FAM13A: variants seen among roughly 807,000 people sequenced by gnomAD.
FAM13A encodes family with sequence similarity 13 member A, also known as protein FAM13A.
A neutral mutation model predicts 129.6 loss-of-function variants in FAM13A; 76 were observed. That is an observed-to-expected ratio of 0.59 (90% CI 0.49 to 0.71). The LOEUF is 0.71. Among genes scored for constraint, FAM13A ranks in the 30% least tolerant of loss-of-function variants. FAM13A has a pLI of 0.00. For synonymous variants in FAM13A, 443 were observed against 449.9 expected (o/e 0.98, Z 0.20); for missense variants, 1,108 against 1,249.3 (o/e 0.89, Z 1.70).
intron 7 of FAM13A, among the ~76,000 whole-genome samples, chr4:88,846,025 A>G (rs1202210471): frequency 6.6e-6 from 1 of 152,186 alleles, no homozygotes; most frequent in Non-Finnish European, 1.5e-5. Context: ...AATACTTGGC[A>G]TAGTGGTAGC....
intron 1 of FAM13A, 62 bp downstream of exon 1, chr4:89,056,876 G>C: frequency 6.7e-7 from 1 of 1,495,372 alleles, no homozygotes; most frequent in Non-Finnish European, 9.2e-7. Context: ...AAACAAGGAA[G>C]GCAAGGCCCT....
intron 19 of FAM13A, 64 bp from the exon 20 acceptor site, chr4:88,739,189 C>T: frequency 9.3e-7 from 1 of 1,075,042 alleles, no homozygotes; most frequent in Non-Finnish European, 1.5e-6. Flanking sequence ...GCTGTCTAAG[C>T]ATGCTCTGGG....
intron 3 of FAM13A, among the ~76,000 whole-genome samples, chr4:89,011,382 C>T (rs1222792987): frequency 6.6e-6 from 1 of 152,074 alleles, no homozygotes; most frequent in Non-Finnish European, 1.5e-5. Context: ...ATATTTACAA[C>T]AATTTAAAAA....
intron 7 of FAM13A, chr4:88,823,189 T>C: frequency 6.9e-7 from 1 of 1,455,478 alleles, no homozygotes. Flanking sequence ...GCCTCCAAAC[T>C]TCTTCAGGCA....
At chr4:88,968,735 G>C (rs548181883) in intron 4 of FAM13A, among the ~76,000 whole-genome samples, 2 of 151,916 alleles carry the variant, frequency 1.3e-5, no homozygotes, top group South Asian at 2.1e-4. Context: ...CAGCAAAATA[G>C]GTATTTAAAC....
chr4:88,924,492 G>A (rs1174342406), intron 5 of FAM13A, among the ~76,000 whole-genome samples: 1 of 152,164 alleles, frequency 6.6e-6, no homozygotes, highest in Non-Finnish European at 1.5e-5. Flanking sequence ...GGGAAAACTG[G>A]CTAGCCATAT....
chr4:88,732,914 A>G (rs1738161087), intron 21 of FAM13A, among the ~76,000 whole-genome samples: 1 of 152,050 alleles, frequency 6.6e-6, no homozygotes, highest in South Asian at 2.1e-4. Flanking sequence ...ATAAAGCCAA[A>G]TCAGCATTTC....
intron 1 of FAM13A, among the ~76,000 whole-genome samples, chr4:89,055,687 G>A (rs1015741473): frequency 6.6e-6 from 1 of 152,076 alleles, no homozygotes; most frequent in African/African-American, 2.4e-5. Flanking sequence ...TAAAGTAAAA[G>A]TCAGTATTTT....
chr4:88,959,506 G>C (rs936217984), intron 4 of FAM13A, among the ~76,000 whole-genome samples: 3 of 152,206 alleles, frequency 2.0e-5, no homozygotes, highest in African/African-American at 7.2e-5. Flanking sequence ...TCCTGCCTTT[G>C]CAATGTGATG....
rs1031877237 is a variant in FAM13A at position 89,032,911 on chromosome 4, A to G, written c.28-3262T>C. 2.0e-5 allele frequency among the ~76,000 whole-genome samples: 3 copies of G among 152,216 alleles called. No individual in the cohort carries two copies. The East Asian group carries it at 5.8e-4, about 29-fold the overall frequency. On this transcript the variant is annotated intron_variant, in intron 1 of 23. Transcript: ENST00000264344. ...CTGAAGCTTGAGTGGCTTATCATAA[A>G]GACAGAAAATGGGTACTACTCTAGT...
intron 6 of FAM13A, among the ~76,000 whole-genome samples, chr4:88,883,338 T>C (rs1451064424): frequency 6.6e-6 from 1 of 151,898 alleles, no homozygotes; most frequent in Admixed American, 6.6e-5. Context: ...TGGAATAAAA[T>C]TGGAAATCAA....
At chr4:88,892,463 G>A (rs1387101091) in intron 6 of FAM13A, among the ~76,000 whole-genome samples, 1 of 152,144 alleles carries the variant, frequency 6.6e-6, no homozygotes, top group Admixed American at 6.5e-5. Flanking sequence ...ACAGGCGTGA[G>A]CCACTGCACC....
At chr4:88,730,933 T>C (rs1400311159) in intron 23 of FAM13A, among the ~76,000 whole-genome samples, 1 of 152,170 alleles carries the variant, frequency 6.6e-6, no homozygotes, top group Non-Finnish European at 1.5e-5. Context: ...CCCAAGTAGC[T>C]AGAGCTACAG....
chr4:88,769,002 C>G (rs1720068458), intron 11 of FAM13A, among the ~76,000 whole-genome samples: 1 of 152,122 alleles, frequency 6.6e-6, no homozygotes, highest in Non-Finnish European at 1.5e-5. Flanking sequence ...GAAATTTGGA[C>G]CTGAATTTTG....
chr4:88,981,295 C>T (rs879461615), intron 4 of FAM13A, among the ~76,000 whole-genome samples: 19 of 152,118 alleles, frequency 1.2e-4, no homozygotes, highest in Non-Finnish European at 2.2e-4. Flanking sequence ...GAGTTTAATG[C>T]AAAGTGCCAA....
intron 1 of FAM13A, among the ~76,000 whole-genome samples, chr4:89,045,215 A>T (rs1770695350): frequency 6.7e-6 from 1 of 149,408 alleles, no homozygotes; most frequent in African/African-American, 2.4e-5. Context: ...GGTGGAACTC[A>T]GGAAATGGGG....
intron 4 of FAM13A, among the ~76,000 whole-genome samples, chr4:88,987,838 C>CAAAAAAAAAAAAA (rs1158179811): frequency 0.26 from 18,286 of 69,368 alleles, 4,102 homozygotes; most frequent in East Asian, 0.31. Context: ...AGACTCCTCT[C>CAAAAAAAAAAAAA]AAAAAAAAAA....
chr4:88,771,151 ATT>A (rs10674716), intron 11 of FAM13A, among the ~76,000 whole-genome samples: 2 of 143,508 alleles, frequency 1.4e-5, no homozygotes, highest in South Asian at 4.4e-4. Flanking sequence ...CCCGGAAAGC[ATT>A]TTTTTTTTTT....
chr4:88,852,439 G>T (rs768825038), intron 6 of FAM13A, among the ~76,000 whole-genome samples: 4 of 152,278 alleles, frequency 2.6e-5, no homozygotes, highest in African/African-American at 9.6e-5. Context: ...TGGGATTACA[G>T]GCTTGAGCCA....
Sources: allele counts gnomAD v4.1 joint callset (sites outside exome capture counted in the v4.1 genomes callset), GRCh38; gene constraint gnomAD v4.1.1; transcripts MANE v1.5; gene names NCBI Gene and HGNC (gene_info 2026-07-23, HGNC 2026-07-21).